The following SLC2A13 variants were observed in gnomAD, a reference collection of about 807,000 sequenced individuals.
SLC2A13 encodes solute carrier family 2 member 13.
A neutral mutation model predicts 64.4 loss-of-function variants in SLC2A13; 32 were observed. The ratio of observed to expected loss-of-function variants is 0.50; its 90% CI spans 0.37 to 0.67. SLC2A13 has a LOEUF of 0.67. SLC2A13 is among the 30% of genes least tolerant of loss of function. SLC2A13 has a pLI of 0.00. For missense variants in SLC2A13, 743 were observed against 829.2 expected (o/e 0.90, Z 1.28); for synonymous variants, 338 against 327.1 (o/e 1.03, Z -0.36).
chr12:39,850,608 A>G (rs1423234003), intron 6 of SLC2A13, among the ~76,000 whole-genome samples: 1 of 152,206 alleles, frequency 6.6e-6, no homozygotes, highest in Non-Finnish European at 1.5e-5. Context: ...AGTATACGGT[A>G]ATTGCCAAAA....
chr12:39,929,459 G>A (rs566960634), intron 4 of SLC2A13, among the ~76,000 whole-genome samples: 2 of 151,866 alleles, frequency 1.3e-5, no homozygotes, highest in Non-Finnish European at 2.9e-5. Flanking sequence ...GCTGAGGCAG[G>A]AGAATCGCTT....
chr12:39,764,845 T>C lies in SLC2A13; in HGVS notation c.1459A>G (p.Thr487Ala). ...AATATATCTTCTGTTTTGAACTTGG[T>C]TTCATTTTCACACCTGAAAAATAAT... ...EAAWGRCENE[T>A]KFKTEDIFWA... The change falls in exon 8 of 10, where the codon ACC (threonine) becomes GCC (alanine). Residue 487 changes from threonine (T) to alanine (A), a missense_variant. This residue lies in a region of SLC2A13 where 295 missense variants were observed against 381.7 expected (regional missense o/e 0.77). Coordinates refer to ENST00000280871, the MANE Select transcript of SLC2A13 (RefSeq NM_052885.4). 6.2e-7 allele frequency: 1 copy of C among 1,612,032 alleles called. No homozygotes were observed.
In SLC2A13 at chr12:39,864,746, C is replaced by T. The variant is rs771154265; in HGVS notation, c.1319+16G>A. ...CCAGAGTCATGTAAAGGAAGAAGAA[C>T]ATAATGGAATCTCACCTGTATCTTG... On this transcript the variant is annotated intron_variant, in intron 6 of 9. Coordinates refer to ENST00000280871, the MANE Select transcript of SLC2A13 (RefSeq NM_052885.4). 34 of 1,611,654 alleles carry T rather than the reference C, an allele frequency of 2.1e-5. No homozygotes were observed. In the Admixed American group the frequency reaches 4.4e-4, roughly 21 times the overall value.
intron 4 of SLC2A13, among the ~76,000 whole-genome samples, chr12:39,903,397 C>G (rs564472623): frequency 1.3e-4 from 20 of 152,184 alleles, no homozygotes; most frequent in South Asian, 1.0e-3. Flanking sequence ...ACTAGTGATT[C>G]TTACTTGATA....
At chr12:39,880,594 C>T (rs540806733) in intron 4 of SLC2A13, among the ~76,000 whole-genome samples, 17 of 152,130 alleles carry the variant, frequency 1.1e-4, no homozygotes, top group Non-Finnish European at 2.2e-4. Context: ...TTATTAATCA[C>T]ATTTAATATA....
At chr12:40,035,853 GCT>G (rs1351968690) in intron 2 of SLC2A13, among the ~76,000 whole-genome samples, 3 of 152,174 alleles carry the variant, frequency 2.0e-5, no homozygotes, top group African/African-American at 7.2e-5. Flanking sequence ...AGTAAAATAT[GCT>G]CTGACAGAAT....
At chr12:39,865,876 G>C (rs1045919049) in intron 5 of SLC2A13, among the ~76,000 whole-genome samples, 1 of 152,158 alleles carries the variant, frequency 6.6e-6, no homozygotes, top group Non-Finnish European at 1.5e-5. Flanking sequence ...GGGATTACTT[G>C]GGGGTAGAGG....
intron 1 of SLC2A13, among the ~76,000 whole-genome samples, chr12:40,090,379 CG>C (rs1770857447): frequency 6.6e-6 from 1 of 152,056 alleles, no homozygotes. Context: ...CTTATCTCTG[CG>C]TATCTTATCT....
chr12:40,000,527 C>G (rs1460813718), intron 3 of SLC2A13, among the ~76,000 whole-genome samples: 4 of 152,160 alleles, frequency 2.6e-5, no homozygotes, highest in African/African-American at 9.7e-5. Flanking sequence ...TAGCAAAGTA[C>G]CACAGACTGG....
intron 6 of SLC2A13, among the ~76,000 whole-genome samples, chr12:39,855,953 G>A (rs1230754387): frequency 6.6e-6 from 1 of 152,162 alleles, no homozygotes. Context: ...AACACTATGT[G>A]ACCTGTTTTA....
chr12:40,014,619 G>A (rs1311580166), intron 3 of SLC2A13, among the ~76,000 whole-genome samples: 1 of 152,040 alleles, frequency 6.6e-6, no homozygotes, highest in Non-Finnish European at 1.5e-5. Context: ...AGCCTCCCAA[G>A]CAGCTGGGAT....
In SLC2A13 at chr12:39,812,917, C is replaced by T. The variant is rs1942228078; in HGVS notation, c.1445+17186G>A. 2.1e-5 allele frequency among the ~76,000 whole-genome samples: 3 copies of T among 146,312 alleles called. No homozygotes were observed. In the South Asian group the frequency reaches 6.6e-4, roughly 32 times the overall value. On this transcript the variant is annotated intron_variant, in intron 7 of 9. Coordinates refer to ENST00000280871, the MANE Select transcript of SLC2A13 (RefSeq NM_052885.4). ...TGGTGTGATCTCCCTGCAACCTCTG[C>T]CTCCTGGGTTCAAGTGATTCTCCTG...
intron 7 of SLC2A13, among the ~76,000 whole-genome samples, chr12:39,767,403 G>A (rs949454491): frequency 6.6e-6 from 1 of 151,360 alleles, no homozygotes; most frequent in African/African-American, 2.4e-5. Flanking sequence ...TTTTTGTTTC[G>A]TTTTAGAGCA....
intron 1 of SLC2A13, among the ~76,000 whole-genome samples, chr12:40,063,021 T>C (rs543143920): frequency 3.3e-5 from 5 of 152,248 alleles, no homozygotes; most frequent in African/African-American, 1.2e-4. Flanking sequence ...ATAAATATCA[T>C]TTATCCAGCA....
intron 4 of SLC2A13, among the ~76,000 whole-genome samples, chr12:39,938,844 T>G (rs1945968506): frequency 6.6e-6 from 1 of 152,122 alleles, no homozygotes; most frequent in Non-Finnish European, 1.5e-5. Flanking sequence ...TAGATCACCC[T>G]CTGAATTACC....
intron 1 of SLC2A13, among the ~76,000 whole-genome samples, chr12:40,062,441 G>A (rs755949408): frequency 6.6e-6 from 1 of 151,794 alleles, no homozygotes; most frequent in Non-Finnish European, 1.5e-5. Flanking sequence ...GGATACTGAT[G>A]TAAAGAAGTA....
intron 1 of SLC2A13, among the ~76,000 whole-genome samples, chr12:40,103,431 C>T (rs999401547): frequency 3.1e-4 from 47 of 152,282 alleles, no homozygotes; most frequent in African/African-American, 9.9e-4. Flanking sequence ...GCAAGTTCTA[C>T]GTTGCTTTTG....
At chr12:40,074,559 C>T (rs925476068) in intron 1 of SLC2A13, among the ~76,000 whole-genome samples, 1 of 152,170 alleles carries the variant, frequency 6.6e-6, no homozygotes, top group Non-Finnish European at 1.5e-5. Flanking sequence ...CATTACCCAT[C>T]TGTCCTTGCA....
At position 40,105,960 on chromosome 12, in the gene SLC2A13, C is replaced by A; in HGVS notation, c.-152G>T. On this transcript the variant is annotated 5_prime_UTR_variant, in exon 1 of 10. Transcript: ENST00000280871. The surrounding 1 kb of genome is among the most constrained non-coding windows in gnomAD (Gnocchi z 4.2). ...CCGGCTGCCACGGCAGCAGCCGCCG[C>A]CACGGCCGCTCCGGGGAGAAAGTTG... 1.0e-6 allele frequency: 1 copy of A among 954,712 alleles called. No individual in the cohort carries two copies. 59.1% of individuals were successfully genotyped at this position (954,712 alleles called of 1,614,324 possible).
Sources: gnomAD v4.1 joint callset for allele counts (sites outside exome capture counted in the v4.1 genomes callset) on GRCh38, gnomAD v4.1.1 for gene constraint, gnomAD v4.1.1 regional missense constraint, Gnocchi (gnomAD v3.1) non-coding constraint, MANE v1.5 for transcripts, NCBI Gene and HGNC (gene_info 2026-07-23, HGNC 2026-07-21) for gene names.